The following MRPS15 variants were observed in gnomAD, a reference collection of about 807,000 sequenced individuals.
MRPS15 encodes mitochondrial ribosomal protein S15, also known as small ribosomal subunit protein uS15m.
Under a neutral mutation model 30.7 loss-of-function variants are expected in MRPS15, and 25 were observed. That is an observed-to-expected ratio of 0.81 (90% CI 0.59 to 1.14). MRPS15 has a LOEUF of 1.14. Ranked by LOEUF, MRPS15 falls within the 50% of genes most tolerant of loss-of-function variation. The probability of loss-of-function intolerance (pLI) is 0.00; values close to 1 mark genes in which losing one functional copy is unlikely to be tolerated. For synonymous variants in MRPS15, 124 were observed against 120.1 expected (o/e 1.03, Z -0.21); for missense variants, 313 against 321.7 (o/e 0.97, Z 0.21).
At chr1:36,460,431 C>G (rs1557580979) in intron 5 of MRPS15, among the ~76,000 whole-genome samples, 1 of 152,186 alleles carries the variant, frequency 6.6e-6, no homozygotes, top group East Asian at 1.9e-4. Context: ...CTCCCTTATT[C>G]CCCCATTTCC....
rs1329925048 is a variant in MRPS15, at chr1:36,456,228, C to G, written c.595G>C (p.Ala199Pro). Residue 199 changes from alanine (A) to proline (P), a missense_variant, in exon 7 of 8, where the codon GCC (alanine) becomes CCC (proline). Physicochemically the swap from Ala to Pro is conservative, Grantham distance 27. Transcript: ENST00000373116. ...YTFPPLYYRR[A>P]HRRFVTKKAL... ...TTCTTGGTCACGAATCGGCGGTGGGCTCTTCGGTAATACAGAGGGGGGAAG... is the reference window on the plus strand; with the variant it reads ...TTCTTGGTCACGAATCGGCGGTGGGGTCTTCGGTAATACAGAGGGGGGAAG... 1 of 1,613,406 alleles carries G rather than the reference C, an allele frequency of 6.2e-7. No homozygotes were observed. Among genetic ancestry groups the G allele is most frequent in the South Asian group, 1.1e-5 (1 of 90,986 alleles).
At position 36,458,109 on chromosome 1, in the gene MRPS15, A is replaced by G. The variant is rs938846507; in HGVS notation, c.386-128T>C. 5.6e-6 allele frequency: 4 copies of G among 711,656 alleles called. No individual in the cohort carries two copies. The highest frequency in any genetic ancestry group is 3.6e-5 in the African/African-American group (2 of 55,504). 44.1% of individuals were successfully genotyped at this position (711,656 alleles called of 1,614,324 possible). ...TCTGTACAGCTCTCTATAAATCCCA[A>G]ATCACTCTGAATTTCAAGATTTCAA... On this transcript the variant is annotated intron_variant, in intron 5 of 7. Transcript: ENST00000373116. This position sits in a 1 kb window ranked among gnomAD's most constrained non-coding sequence, Gnocchi z 4.5.
At chr1:36,462,260 A>ATGTCCCTTCTGGAGTT in intron 2 of MRPS15, 97 bp from the exon 3 acceptor site, 1 of 821,796 alleles carries the variant, frequency 1.2e-6, no homozygotes. Flanking sequence ...CAACTCCAGA[A>ATGTCCCTTCTGGAGTT]GGGACATTCA....
chr1:36,461,446 G>A, intron 3 of MRPS15, 134 bp from the exon 4 acceptor site: 2 of 824,964 alleles, frequency 2.4e-6, no homozygotes, highest in South Asian at 3.3e-5. Flanking sequence ...CTGGAGGTGG[G>A]GAGCCATTTC....
chr1:36,458,008 G>C lies in MRPS15; in HGVS notation c.386-27C>G, dbSNP rs1023183942. 2.5e-6 allele frequency: 4 copies of C among 1,611,660 alleles called. No homozygotes were observed. Among genetic ancestry groups the C allele is most frequent in the South Asian group, 1.1e-5 (1 of 91,038 alleles). On this transcript the variant is annotated intron_variant, in intron 5 of 7. Coordinates refer to ENST00000373116, the MANE Select transcript of MRPS15 (RefSeq NM_031280.4). The surrounding 1 kb of genome is among the most constrained non-coding windows in gnomAD (Gnocchi z 4.5). ...TGAAACCACAAACCACAGAGGATGA[G>C]AGTTGGGCACAGAGGAAGGAAGGGC...
At position 36,460,758 on chromosome 1, in the gene MRPS15, T is replaced by G. The variant is rs376433747; in HGVS notation, c.319A>C (p.Lys107Gln). 4 of 1,614,104 alleles carry G rather than the reference T, an allele frequency of 2.5e-6. No homozygotes were observed. Among genetic ancestry groups the G allele is most frequent in the Non-Finnish European group, 2.5e-6 (3 of 1,179,952 alleles). Residue 107 changes from lysine (K) to glutamine (Q), a missense_variant, in exon 5 of 8, where the codon AAG becomes CAG. Transcript: ENST00000373116. ...MANKKEMLKI[K>Q]QEQFMKKIVA... The stretch of plus-strand genomic sequence containing the variant: ...ATCTTCTTCATAAACTGTTCTTGCT[T>G]GATTTTTAGCATCTCCTTCTGTTGA...
chr1:36,462,862 G>A (rs1409621699), intron 2 of MRPS15, among the ~76,000 whole-genome samples: 1 of 152,204 alleles, frequency 6.6e-6, no homozygotes, highest in Non-Finnish European at 1.5e-5. Context: ...TGTAGAGACT[G>A]GGTCTTGCTA....
Position 36,463,808 on chromosome 1 carries a change from G to T in MRPS15, c.173C>A (p.Pro58Gln), listed in dbSNP as rs1557582280. The T allele has an allele frequency of 6.2e-7, 1 of 1,612,316 alleles. No homozygotes were observed. The highest frequency in any genetic ancestry group is 1.3e-5 in the African/African-American group (1 of 74,946). ...QAARGYVVRK[P>Q]AQSRLDDDPP... ...AGTCCCACCTTAGGAACTCCTACCTGGTTTCCGGACGACATATCCGCGCGC... is the reference window on the plus strand; with the variant it reads ...AGTCCCACCTTAGGAACTCCTACCTTGTTTCCGGACGACATATCCGCGCGC... The change falls in exon 2 of 8, where the codon CCA becomes CAA. Residue 58 changes from proline to glutamine, a missense_variant and splice_region_variant. Pro to Gln is a moderately conservative substitution (Grantham distance 76). Transcript: ENST00000373116.
chr1:36,461,312 C>G lies in MRPS15; in HGVS notation c.252G>C (p.Lys84Asn). 6.2e-7 allele frequency: 1 copy of G among 1,614,108 alleles called. No homozygotes were observed. The highest frequency in any genetic ancestry group is 8.5e-7 in the Non-Finnish European group (1 of 1,179,968). ...KDYQNVPGIE[K>N]VDDVVKRLLS... is the part of the protein sequence containing the mutation. ...AGAGTCTTTTCACGACATCATCAAC[C>G]CTGTGGATAAACCACAGCAATGAGA... Residue 84 changes from lysine to asparagine, a missense_variant and splice_region_variant, in exon 4 of 8, where the codon AAG (lysine) becomes AAC (asparagine). Physicochemically the swap from Lys to Asn is moderately conservative, Grantham distance 94 (BLOSUM62 0). Coordinates refer to ENST00000373116, the MANE Select transcript of MRPS15 (RefSeq NM_031280.4).
At chr1:36,463,746 C>A in intron 2 of MRPS15, 60 bp downstream of exon 2, 1 of 1,569,900 alleles carries the variant, frequency 6.4e-7, no homozygotes, top group Non-Finnish European at 8.6e-7. Flanking sequence ...GTCCCCTTAC[C>A]CACCCCAGCC....
rs1263173663 is a variant in MRPS15 at position 36,464,336 on chromosome 1, CG to C, written c.-62del. ...CCGCCGTTCGCTTTGCGGCACGGAC[CG>C]GGTTACATGGGCGCCGCCATGCTGG... On this transcript the variant is annotated 5_prime_UTR_variant, in exon 1 of 8. Transcript: ENST00000373116. 8 of 1,575,458 alleles carry C rather than the reference CG, an allele frequency of 5.1e-6. No homozygotes were observed. In the Admixed American group the frequency reaches 9.4e-5, roughly 18 times the overall value.
chr1:36,460,832 G>T, intron 4 of MRPS15, 56 bp from the exon 5 acceptor site: 1 of 1,448,724 alleles, frequency 6.9e-7, no homozygotes. Context: ...CTAAGAACTA[G>T]CCCTCCTCCC....
At chr1:36,457,569 T>C (rs923116546) in intron 6 of MRPS15, among the ~76,000 whole-genome samples, 3 of 152,182 alleles carry the variant, frequency 2.0e-5, no homozygotes, top group Admixed American at 1.3e-4. Context: ...CTCCATCTTA[T>C]TGAAAAGAAA....
At chr1:36,457,887 G>A in intron 6 of MRPS15, 36 bp downstream of exon 6, 1 of 1,603,852 alleles carries the variant, frequency 6.2e-7, no homozygotes, top group Non-Finnish European at 8.5e-7. Context: ...CCCCCAGGCT[G>A]CTGCTGTTTA....
At chr1:36,460,012 C>G in intron 5 of MRPS15, among the ~76,000 whole-genome samples, 1 of 152,134 alleles carries the variant, frequency 6.6e-6, no homozygotes, top group Non-Finnish European at 1.5e-5. Flanking sequence ...AAATGTTGGT[C>G]TTATTTTTTT....
In MRPS15 at chr1:36,456,182, C is replaced by A; in HGVS notation, c.636+5G>T. 1 of 1,599,216 alleles carries A rather than the reference C, an allele frequency of 6.3e-7. No homozygotes were observed. Among genetic ancestry groups the A allele is most frequent in the Non-Finnish European group, 8.5e-7 (1 of 1,171,528 alleles). Reference sequence around the variant, plus strand: ...GCCAAGCAAAGCCGCAATTCTGACTCGTACCCGAATGCACAGAGCCTTCTT... The same window carrying A: ...GCCAAGCAAAGCCGCAATTCTGACTAGTACCCGAATGCACAGAGCCTTCTT... On this transcript the variant is annotated splice_donor_5th_base_variant and intron_variant, in intron 7 of 7. Coordinates refer to ENST00000373116, the MANE Select transcript of MRPS15 (RefSeq NM_031280.4).
In MRPS15 at chr1:36,460,739, T is replaced by C; in HGVS notation, c.338A>G (p.Lys113Arg). 1.2e-6 allele frequency: 2 copies of C among 1,614,170 alleles called. No homozygotes were observed. The highest frequency in any genetic ancestry group is 1.1e-5 in the South Asian group (1 of 91,088). The part of the protein sequence containing the change: ...MLKIKQEQFM[K>R]KIVANPEDTR... ...GTCCTCTGGGTTTGCAACAATCTTCTTCATAAACTGTTCTTGCTTGATTTT... is the reference window on the plus strand; with the variant it reads ...GTCCTCTGGGTTTGCAACAATCTTCCTCATAAACTGTTCTTGCTTGATTTT... The change falls in exon 5 of 8, where the codon AAG (lysine) becomes AGG (arginine). Residue 113 changes from lysine (K) to arginine (R), a missense_variant. By Grantham distance (26) the Lys-to-Arg change is conservative (BLOSUM62 2). Transcript: ENST00000373116.
At position 36,456,216 on chromosome 1, in the gene MRPS15, A is replaced by G; in HGVS notation, c.607T>C (p.Phe203Leu). ...PLYYRRAHRRFVTKKALCIRV... is the reference protein window; with the variant it reads ...PLYYRRAHRRLVTKKALCIRV... The stretch of plus-strand genomic sequence containing the variant: ...ATGCACAGAGCCTTCTTGGTCACGA[A>G]TCGGCGGTGGGCTCTTCGGTAATAC... Residue 203 changes from phenylalanine to leucine, a missense_variant, in exon 7 of 8, where the codon TTC becomes CTC. By Grantham distance (22) the Phe-to-Leu change is conservative (BLOSUM62 0). Transcript: ENST00000373116. 1.2e-6 allele frequency: 2 copies of G among 1,612,322 alleles called. No homozygotes were observed. Among genetic ancestry groups the G allele is most frequent in the South Asian group, 1.1e-5 (1 of 90,802 alleles).
At chr1:36,463,646 C>T (rs1650142981) in intron 2 of MRPS15, among the ~76,000 whole-genome samples, 160 bp downstream of exon 2, 1 of 152,198 alleles carries the variant, frequency 6.6e-6, no homozygotes, top group African/African-American at 2.4e-5. Context: ...ATACAGGCTG[C>T]AGGCCTAGGG....
Sources: allele counts gnomAD v4.1 joint callset (sites outside exome capture counted in the v4.1 genomes callset), GRCh38; gene constraint gnomAD v4.1.1; non-coding constraint Gnocchi (gnomAD v3.1); transcripts MANE v1.5; gene names NCBI Gene and HGNC (gene_info 2026-07-23, HGNC 2026-07-21).